Variants in XIRP2 observed in about 807,000 individuals in gnomAD.
XIRP2 encodes the protein xin actin-binding repeat-containing protein 2.
XIRP2 carries 236 observed loss-of-function variants against 277.0 expected under a neutral mutation model. The observed-to-expected ratio is 0.85, with a 90% CI of 0.77 to 0.95. The LOEUF is 0.95. Among genes scored for constraint, XIRP2 ranks in the 40% least tolerant of loss-of-function variants. The pLI, the probability that XIRP2 is intolerant of heterozygous loss-of-function variation, is 0.00. For synonymous variants in XIRP2, 1,490 were observed against 1,416.5 expected, an observed-to-expected ratio of 1.05 and a Z score of -1.17; for missense variants, 4,640 against 4,157.5, an observed-to-expected ratio of 1.12 and a Z score of -3.19.
intron 2 of XIRP2, among the ~76,000 whole-genome samples, chr2:167,044,996 T>C (rs1326509069): frequency 1.3e-5 from 2 of 151,290 alleles, no homozygotes; most frequent in Non-Finnish European, 2.9e-5. Flanking sequence ...CATTTCAAAC[T>C]ATACTGAATG....
chr2:167,219,222 T>C (rs929385744), intron 5 of XIRP2, among the ~76,000 whole-genome samples: 1 of 152,134 alleles, frequency 6.6e-6, no homozygotes, highest in Non-Finnish European at 1.5e-5. Context: ...AAGTTAAAAA[T>C]GTACAATATA....
chr2:166,896,054 T>C (rs1051095067), intron 1 of XIRP2, among the ~76,000 whole-genome samples: 4 of 152,150 alleles, frequency 2.6e-5, no homozygotes, highest in African/African-American at 4.8e-5. Context: ...AAAGGTTCCC[T>C]GGACAAATAA....
At chr2:166,916,463 T>A (rs1292475561) in intron 2 of XIRP2, among the ~76,000 whole-genome samples, 1 of 152,150 alleles carries the variant, frequency 6.6e-6, no homozygotes, top group Non-Finnish European at 1.5e-5. Context: ...ACAGAAGTTA[T>A]TAGAATCTTG....
intron 2 of XIRP2, among the ~76,000 whole-genome samples, chr2:166,965,610 G>GTC (rs1277368529): frequency 4.0e-5 from 6 of 151,730 alleles, no homozygotes; most frequent in East Asian, 1.9e-4. Context: ...TTGAGACAGG[G>GTC]TCTCTCTCTC....
At chr2:167,026,290 T>A (rs1021173819) in intron 2 of XIRP2, among the ~76,000 whole-genome samples, 4 of 152,154 alleles carry the variant, frequency 2.6e-5, no homozygotes, top group African/African-American at 9.7e-5. Context: ...CTGCCTTTTT[T>A]TGTTTTCCAT....
chr2:167,013,816 C>A (rs1468778539), intron 2 of XIRP2, among the ~76,000 whole-genome samples: 1 of 151,196 alleles, frequency 6.6e-6, no homozygotes, highest in East Asian at 1.9e-4. Flanking sequence ...AATGTACATG[C>A]AATCTTTTCA....
intron 2 of XIRP2, among the ~76,000 whole-genome samples, chr2:166,971,977 ATGTT>A (rs1467857516): frequency 6.6e-6 from 1 of 152,128 alleles, no homozygotes; most frequent in Non-Finnish European, 1.5e-5. Context: ...TATGGACTGA[ATGTT>A]TGTGTTCACA....
chr2:166,956,970 A>G (rs538762661), intron 2 of XIRP2, among the ~76,000 whole-genome samples: 25 of 152,004 alleles, frequency 1.6e-4, no homozygotes, highest in African/African-American at 6.0e-4. Context: ...CTAACCATAC[A>G]TACTGCATTA....
chr2:167,070,579 T>C (rs1488829188), intron 2 of XIRP2, among the ~76,000 whole-genome samples: 2 of 152,224 alleles, frequency 1.3e-5, no homozygotes, highest in Non-Finnish European at 2.9e-5. Flanking sequence ...AGATACATTG[T>C]TATTTAAAAT....
intron 5 of XIRP2, among the ~76,000 whole-genome samples, chr2:167,223,640 T>C (rs1694498781): frequency 6.6e-6 from 1 of 152,186 alleles, no homozygotes; most frequent in Non-Finnish European, 1.5e-5. Flanking sequence ...TGCAAAACAT[T>C]TCTCATCTAA....
intron 2 of XIRP2, among the ~76,000 whole-genome samples, chr2:166,963,307 CATTT>C (rs1260801462): frequency 2.0e-5 from 3 of 151,834 alleles, no homozygotes; most frequent in African/African-American, 7.2e-5. Flanking sequence ...TTCATCCTCT[CATTT>C]ATTCATTCAT....
chr2:167,089,474 C>G (rs1186197120), intron 2 of XIRP2, among the ~76,000 whole-genome samples: 1 of 152,148 alleles, frequency 6.6e-6, no homozygotes, highest in African/African-American at 2.4e-5. Flanking sequence ...AGGCAAAATG[C>G]TTTATGCTTA....
chr2:167,031,540 G>C (rs1016684909), intron 2 of XIRP2, among the ~76,000 whole-genome samples: 2 of 152,004 alleles, frequency 1.3e-5, no homozygotes, highest in Non-Finnish European at 2.9e-5. Flanking sequence ...GATGACAACT[G>C]TATATTTAGA....
At chr2:166,908,234 G>A (rs1354388318) in intron 2 of XIRP2, among the ~76,000 whole-genome samples, 1 of 152,206 alleles carries the variant, frequency 6.6e-6, no homozygotes, top group South Asian at 2.1e-4. Context: ...CCCACCAACA[G>A]TGTAAAAGTG....
intron 3 of XIRP2, among the ~76,000 whole-genome samples, chr2:167,186,385 C>T (rs951917739): frequency 1.3e-5 from 2 of 152,136 alleles, no homozygotes; most frequent in Non-Finnish European, 2.9e-5. Context: ...AAACAGCTTA[C>T]AAATAGGCAT....
In XIRP2 at chr2:167,258,543, T is replaced by G; in HGVS notation, c.*726T>G. Reference sequence around the variant, plus strand: ...CTTAATGACAACAATAATGTGATTGTGCAGAGTGCTGAAAAGGAGAAAAAT... The same window carrying G: ...CTTAATGACAACAATAATGTGATTGGGCAGAGTGCTGAAAAGGAGAAAAAT... On this transcript the variant is annotated 3_prime_UTR_variant, in exon 11 of 11. Transcript: ENST00000409195. The G allele has an allele frequency of 6.2e-7, 1 of 1,613,122 alleles. No individual in the cohort carries two copies.
At chr2:167,136,279 T>A (rs1051809932) in intron 3 of XIRP2, among the ~76,000 whole-genome samples, 21 of 152,288 alleles carry the variant, frequency 1.4e-4, no homozygotes, top group African/African-American at 1.7e-4. Flanking sequence ...ATAGAATATA[T>A]TTTAATTGAC....
chr2:167,254,102 TGG>T lies in XIRP2; in HGVS notation c.10627_10628del (p.Gly3543GlnfsTer20). 2 of 1,611,046 alleles carry T rather than the reference TGG, an allele frequency of 1.2e-6. No individual in the cohort carries two copies. Among genetic ancestry groups the T allele is most frequent in the South Asian group, 1.1e-5 (1 of 90,772 alleles). ...ACAGTTTATCCAATGGAGTGCCTAG[TGG>T]CAGACAAGCAGAATTTTCATAAGTC... ...KDSLSNGVPS[G>X]RQAEFS On this transcript the variant is annotated frameshift_variant, in exon 10 of 11. Transcript: ENST00000409195. LOFTEE classifies it high-confidence loss of function.
chr2:166,999,871 TA>T (rs1285386354), intron 2 of XIRP2, among the ~76,000 whole-genome samples: 1 of 152,174 alleles, frequency 6.6e-6, no homozygotes, highest in African/African-American at 2.4e-5. Flanking sequence ...AATTTAGGGC[TA>T]TTTTCAAAAT....
Sources: allele counts gnomAD v4.1 joint callset (sites outside exome capture counted in the v4.1 genomes callset), GRCh38; gene constraint gnomAD v4.1.1; transcripts MANE v1.5; gene names NCBI Gene and HGNC (gene_info 2026-07-23, HGNC 2026-07-21).